The following METTL15 variants were observed in gnomAD, a reference collection of about 807,000 sequenced individuals.
The protein encoded by METTL15 is 12S rRNA N(4)-cytidine methyltransferase METTL15.
METTL15 carries 34 observed loss-of-function variants against 38.3 expected under a neutral mutation model. The observed-to-expected ratio is 0.89, with a 90% CI of 0.68 to 1.18. The LOEUF is 1.18. Ranked by LOEUF, METTL15 falls within the 50% of genes most tolerant of loss-of-function variation. The pLI, the probability that METTL15 is intolerant of heterozygous loss-of-function variation, is 0.00. For missense variants in METTL15, 438 were observed against 498.4 expected, an observed-to-expected ratio of 0.88 and a Z score of 1.15; for synonymous variants, 162 against 170.9, an observed-to-expected ratio of 0.95 and a Z score of 0.41.
At chr11:28,401,545 T>A (rs1278438876) in intron 5 of METTL15, among the ~76,000 whole-genome samples, 1 of 151,996 alleles carries the variant, frequency 6.6e-6, no homozygotes, top group African/African-American at 2.4e-5. Context: ...TTAACTTTTT[T>A]AATCCTTCTT....
intron 5 of METTL15, among the ~76,000 whole-genome samples, chr11:28,403,140 G>A (rs547005011): frequency 9.2e-5 from 14 of 152,016 alleles, no homozygotes; most frequent in African/African-American, 3.4e-4. Flanking sequence ...AGATGTATGG[G>A]GGGTTTTCCT....
intron 6 of METTL15, among the ~76,000 whole-genome samples, chr11:28,446,888 A>G (rs1369158024): frequency 6.6e-6 from 1 of 152,116 alleles, no homozygotes; most frequent in East Asian, 1.9e-4. Context: ...CTGCAATTCC[A>G]GATATTTTTC....
At chr11:28,314,837 A>G (rs1046843833) in intron 6 of METTL15, among the ~76,000 whole-genome samples, 1 of 152,150 alleles carries the variant, frequency 6.6e-6, no homozygotes, top group Non-Finnish European at 1.5e-5. Flanking sequence ...GGGTCTCACA[A>G]GATCTGATGG....
intron 4 of METTL15, among the ~76,000 whole-genome samples, chr11:28,271,347 T>C (rs914013994): frequency 1.3e-5 from 2 of 152,226 alleles, no homozygotes; most frequent in South Asian, 4.1e-4. Context: ...TGCTCTTTTT[T>C]AAGTTAAGAT....
chr11:28,225,296 A>G (rs1156940806), intron 4 of METTL15, among the ~76,000 whole-genome samples: 2 of 151,834 alleles, frequency 1.3e-5, no homozygotes, highest in African/African-American at 2.4e-5. Context: ...AATATTTTCA[A>G]TTCCATTTTG....
At chr11:28,316,949 C>T (rs950076913) in intron 6 of METTL15, among the ~76,000 whole-genome samples, 15 of 152,136 alleles carry the variant, frequency 9.9e-5, no homozygotes, top group South Asian at 2.1e-4. Flanking sequence ...TGTGCAGACT[C>T]GGGTACGTCT....
Position 28,502,076 on chromosome 11 carries a change from G to A in METTL15, c.*425-24402G>A, listed in dbSNP as rs1229930289. Among the ~76,000 whole-genome samples, 5 of 149,392 alleles carry A rather than the reference G, an allele frequency of 3.3e-5. No homozygotes were observed. The Admixed American group carries it at 3.4e-4, about 10-fold the overall frequency. ...AGATCTCGCCACTGCACTTCAGCCT[G>A]GGCAGCAGGGCAAGACTCTGTCTCA... On this transcript the variant is annotated intron_variant and NMD_transcript_variant, in intron 6 of 7. Transcript: ENST00000532947.
downstream of METTL15, among the ~76,000 whole-genome samples, chr11:28,336,313 T>C (rs530696602): frequency 6.6e-6 from 1 of 152,272 alleles, no homozygotes; most frequent in South Asian, 2.1e-4. Context: ...GAGAAAGTAT[T>C]TGTCCTCCTC....
chr11:28,242,941 A>G (rs1289686018), intron 4 of METTL15, among the ~76,000 whole-genome samples: 4 of 152,138 alleles, frequency 2.6e-5, no homozygotes, highest in African/African-American at 9.7e-5. Flanking sequence ...AGTGTCCGTC[A>G]TTGAGCGAGT....
chr11:28,459,218 G>A (rs1851195369), intron 6 of METTL15, among the ~76,000 whole-genome samples: 1 of 152,180 alleles, frequency 6.6e-6, no homozygotes, highest in Non-Finnish European at 1.5e-5. Flanking sequence ...TAAATTTCAT[G>A]TATATTAGCT....
At chr11:28,162,919 A>G (rs1850521201) in intron 3 of METTL15, among the ~76,000 whole-genome samples, 1 of 152,096 alleles carries the variant, frequency 6.6e-6, no homozygotes. Flanking sequence ...TCAAACCATC[A>G]TAAATTGGGG....
intron 3 of METTL15, among the ~76,000 whole-genome samples, chr11:28,117,235 A>ATGTGTGTGTGTGTGTG (rs375202595): frequency 2.6e-5 from 3 of 117,086 alleles, no homozygotes; most frequent in African/African-American, 7.0e-5. Flanking sequence ...CTATATATGT[A>ATGTGTGTGTGTGTGTG]TGTGTGTGTG....
intron 5 of METTL15, among the ~76,000 whole-genome samples, chr11:28,390,501 C>T (rs1011881390): frequency 1.7e-4 from 26 of 152,210 alleles, no homozygotes; most frequent in African/African-American, 5.8e-4. Flanking sequence ...TTCCCCATTG[C>T]TTGTTTTTCT....
Position 28,147,360 on chromosome 11 carries a change from A to G in METTL15, c.270+33756A>G, listed in dbSNP as rs112754254. Among the ~76,000 whole-genome samples the G allele has an allele frequency of 5.3e-3, 808 of 151,960 alleles. 7 individuals are homozygous for G. Among genetic ancestry groups the G allele is most frequent in the Non-Finnish European group, 8.8e-3 (597 of 67,798 alleles). On this transcript the variant is annotated intron_variant, in intron 3 of 6. Coordinates refer to ENST00000407364, the MANE Select transcript of METTL15 (RefSeq NM_001113528.2). ...CATTTGATCTAGTTACAGAGTAGAC[A>G]ATCTTTAGGGCAATAAGTGGATTAC...
chr11:28,123,907 G>T (rs1374415405), intron 3 of METTL15: 5 of 1,455,302 alleles, frequency 3.4e-6, no homozygotes, highest in Non-Finnish European at 4.6e-6. Context: ...TAAAGATGGA[G>T]AATTTCCCAC....
Position 28,211,125 on chromosome 11 carries a change from G to A in METTL15, c.334G>A (p.Asp112Asn). 2 of 1,612,840 alleles carry A rather than the reference G, an allele frequency of 1.2e-6. No homozygotes were observed. The highest frequency in any genetic ancestry group is 2.2e-5 in the East Asian group (1 of 44,830). The stretch of plus-strand genomic sequence containing the variant: ...AAAAGCCATTCTGCAGAAGGAGTCA[G>A]ATATTGTTCTCTATGCCTTGGACAG... ...HTKAILQKES[D>N]IVLYALDRDP... The change falls in exon 4 of 7, where the codon GAT (aspartate) becomes AAT (asparagine). Residue 112 changes from aspartate to asparagine, a missense_variant. By Grantham distance (23) the Asp-to-Asn change is conservative (BLOSUM62 1). Coordinates refer to ENST00000407364, the MANE Select transcript of METTL15 (RefSeq NM_001113528.2).
chr11:28,172,333 G>A (rs1428994959), intron 3 of METTL15, among the ~76,000 whole-genome samples: 1 of 152,036 alleles, frequency 6.6e-6, no homozygotes, highest in Non-Finnish European at 1.5e-5. Context: ...GGGTTGATTA[G>A]TTTACTGAAT....
At chr11:28,468,527 G>T (rs1851276548) in intron 6 of METTL15, among the ~76,000 whole-genome samples, 2 of 152,066 alleles carry the variant, frequency 1.3e-5, no homozygotes, top group Non-Finnish European at 2.9e-5. Context: ...AAGAGACCAA[G>T]GGGTTGTTCA....
intron 4 of METTL15, among the ~76,000 whole-genome samples, chr11:28,282,683 T>G (rs2133975758): frequency 6.6e-6 from 1 of 152,280 alleles, no homozygotes; most frequent in Non-Finnish European, 1.5e-5. Flanking sequence ...CATTGTTACT[T>G]TGAAACAAGA....
Sources: allele counts gnomAD v4.1 joint callset (sites outside exome capture counted in the v4.1 genomes callset), GRCh38; gene constraint gnomAD v4.1.1; transcripts MANE v1.5; gene names NCBI Gene and HGNC (gene_info 2026-07-23, HGNC 2026-07-21).